The following CARD14 variants were observed in gnomAD, a reference collection of about 807,000 sequenced individuals.
CARD14 encodes the protein caspase recruitment domain-containing protein 14.
Under a neutral mutation model 111.5 loss-of-function variants are expected in CARD14, and 107 were observed. That is an observed-to-expected ratio of 0.96 (90% CI 0.82 to 1.13). CARD14 has a LOEUF of 1.13. Among genes scored for constraint, CARD14 ranks in the 50% most tolerant of loss-of-function variants. The pLI, the probability that CARD14 is intolerant of heterozygous loss-of-function variation, is 0.00. For missense variants in CARD14, 1,322 were observed against 1,362.3 expected (o/e 0.97, Z 0.47); for synonymous variants, 617 against 579.6 (o/e 1.06, Z -0.93).
chr17:80,177,808 G>A (rs1207456763), intron 2 of CARD14, among the ~76,000 whole-genome samples: 1 of 152,050 alleles, frequency 6.6e-6, no homozygotes, highest in African/African-American at 2.4e-5. Flanking sequence ...GCCTTTCAAA[G>A]TGTGGGATTA....
In CARD14 at chr17:80,192,623, C is replaced by A. The variant is rs373428751; in HGVS notation, c.1356+4C>A. 1.2e-6 allele frequency: 2 copies of A among 1,605,246 alleles called. No individual in the cohort carries two copies. Among genetic ancestry groups the A allele is most frequent in the East Asian group, 2.2e-5 (1 of 44,796 alleles). On this transcript the variant is annotated splice_donor_region_variant and intron_variant, in intron 12 of 23. Coordinates refer to ENST00000648509, the MANE Select transcript of CARD14 (RefSeq NM_001366385.1). ...CAGCCTCGTCAGCTCCACAGAGGTA[C>A]GGCCGCTCCTCCCGCCTCCCTCACT...
chr17:80,199,391 G>A (rs1405216485), intron 16 of CARD14, among the ~76,000 whole-genome samples: 1 of 151,362 alleles, frequency 6.6e-6, no homozygotes, highest in East Asian at 1.9e-4. Context: ...ACTTTGATGT[G>A]GCCTAAAAGC....
intron 9 of CARD14, among the ~76,000 whole-genome samples, 182 bp from the exon 10 acceptor site, chr17:80,190,592 A>G (rs545999075): frequency 6.6e-6 from 1 of 150,994 alleles, no homozygotes; most frequent in Admixed American, 6.6e-5. Flanking sequence ...CAGCCTTGGC[A>G]TCGCAGCGAG....
chr17:80,188,689 T>G lies in CARD14; in HGVS notation c.843+145T>G. On this transcript the variant is annotated intron_variant, in intron 8 of 23. Coordinates refer to ENST00000648509, the MANE Select transcript of CARD14 (RefSeq NM_001366385.1). The surrounding 1 kb of genome is among the most constrained non-coding windows in gnomAD (Gnocchi z 4.5). ...AGTGACTCATCTCACCCACTTTCTC[T>G]TTACCTCCTTCCTTCCTGCTGTTCC... 1.3e-6 allele frequency: 1 copy of G among 780,996 alleles called. No homozygotes were observed. Among genetic ancestry groups the G allele is most frequent in the Non-Finnish European group, 1.8e-6 (1 of 561,608 alleles). 48.4% of individuals were successfully genotyped at this position (780,996 alleles called of 1,614,324 possible).
chr17:80,173,516 G>A (rs1280316193), intron 2 of CARD14, among the ~76,000 whole-genome samples: 1 of 151,932 alleles, frequency 6.6e-6, no homozygotes, highest in Non-Finnish European at 1.5e-5. Flanking sequence ...GATGTTGCTG[G>A]CAAAAGTTTT....
At chr17:80,171,958 C>T (rs149651041) in intron 1 of CARD14, among the ~76,000 whole-genome samples, 2 of 152,180 alleles carry the variant, frequency 1.3e-5, no homozygotes, top group African/African-American at 2.4e-5. Context: ...GGAAGGCACC[C>T]GAGAAACCTG....
chr17:80,204,182 T>C, intron 19 of CARD14, 45 bp from the exon 20 acceptor site: 1 of 1,527,122 alleles, frequency 6.5e-7, no homozygotes, highest in Non-Finnish European at 8.9e-7. Flanking sequence ...TTCCTGTTGA[T>C]GGCTTCAACA....
At chr17:80,184,476 C>G (rs544854009) in intron 7 of CARD14, among the ~76,000 whole-genome samples, 2 of 152,154 alleles carry the variant, frequency 1.3e-5, no homozygotes, top group East Asian at 1.9e-4. Context: ...AGTAGCTGCC[C>G]GTGGCCTGGC....
In CARD14 at chr17:80,189,829, C is replaced by T. The variant is rs764211577; in HGVS notation, c.920C>T (p.Ser307Leu). The T allele has an allele frequency of 3.2e-6, 5 of 1,586,444 alleles. No individual in the cohort carries two copies. Among genetic ancestry groups the T allele is most frequent in the East Asian group, 2.3e-5 (1 of 42,672 alleles). ...CAGGAGCTGGTGGAGCGCATCCACTCGCTGCGGGAGCGGGCCGTGGCTGCC... is the reference window on the plus strand; with the variant it reads ...CAGGAGCTGGTGGAGCGCATCCACTTGCTGCGGGAGCGGGCCGTGGCTGCC... ...SRQELVERIH[S>L]LRERAVAAER... The change falls in exon 9 of 24, where the codon TCG (serine) becomes TTG (leucine). Residue 307 changes from serine to leucine, a missense_variant. Transcript: ENST00000648509. This position sits in a 1 kb window ranked among gnomAD's most constrained non-coding sequence, Gnocchi z 4.7.
In CARD14 at chr17:80,203,839, T is replaced by C. The variant is rs773831309; in HGVS notation, c.2237T>C (p.Ile746Thr). The C allele has an allele frequency of 1.3e-6, 2 of 1,587,536 alleles. No individual in the cohort carries two copies. Among genetic ancestry groups the C allele is most frequent in the South Asian group, 1.2e-5 (1 of 86,502 alleles). The change falls in exon 19 of 24, where the codon ATA (isoleucine) becomes ACA (threonine). Residue 746 changes from isoleucine to threonine, a missense_variant. Ile to Thr is a moderately conservative substitution (Grantham distance 89). Transcript: ENST00000648509. This position sits in a 1 kb window ranked among gnomAD's most constrained non-coding sequence, Gnocchi z 4.6. ...PNYSRAQQQLIALIQDMTQQC... is the reference protein window; with the variant it reads ...PNYSRAQQQLTALIQDMTQQC... ...CTCTGCAGGGCTCAGCAGCAGCTCATAGCCCTCATCCAGGACATGACTCAG... is the reference window on the plus strand; with the variant it reads ...CTCTGCAGGGCTCAGCAGCAGCTCACAGCCCTCATCCAGGACATGACTCAG...
At chr17:80,174,740 T>C (rs1447255685) in intron 2 of CARD14, among the ~76,000 whole-genome samples, 2 of 152,112 alleles carry the variant, frequency 1.3e-5, no homozygotes, top group Non-Finnish European at 2.9e-5. Flanking sequence ...CTCTCCTGGC[T>C]CAGTACAGCC....
chr17:80,198,604 A>G lies in CARD14; in HGVS notation c.1851+13A>G. On this transcript the variant is annotated intron_variant, in intron 16 of 23. Transcript: ENST00000648509. The surrounding 1 kb of genome is among the most constrained non-coding windows in gnomAD (Gnocchi z 7.5). ...CCAGATTGTGATGGTGAGCCGTGCG[A>G]GGCCCCTCCTGTCCCCCGGGCTCCT... 1 of 1,611,202 alleles carries G rather than the reference A, an allele frequency of 6.2e-7. No homozygotes were observed. Among genetic ancestry groups the G allele is most frequent in the South Asian group, 1.1e-5 (1 of 90,972 alleles).
At position 80,201,651 on chromosome 17, in the gene CARD14, C is replaced by G; in HGVS notation, c.1852-93C>G. 7.2e-7 allele frequency: 1 copy of G among 1,384,604 alleles called. No individual in the cohort carries two copies. Among genetic ancestry groups the G allele is most frequent in the Non-Finnish European group, 1.0e-6 (1 of 977,708 alleles). The allele number at this position is 1,384,604 out of a possible 1,614,324, so 85.8% of individuals were successfully genotyped here. On this transcript the variant is annotated intron_variant, in intron 16 of 23. Transcript: ENST00000648509. This position sits in a 1 kb window ranked among gnomAD's most constrained non-coding sequence, Gnocchi z 5.0. ...CAGTGGTCCTACGGCAGGGCTGGCC[C>G]GCGCCTCGCCTCAGTGCCCTCAGCG...
chr17:80,198,486 G>T lies in CARD14; in HGVS notation c.1746G>T (p.Gln582His). 1.2e-6 allele frequency: 2 copies of T among 1,613,632 alleles called. No homozygotes were observed. Among genetic ancestry groups the T allele is most frequent in the Non-Finnish European group, 1.7e-6 (2 of 1,179,910 alleles). Residue 582 changes from glutamine to histidine, a missense_variant, in exon 16 of 24, where the codon CAG becomes CAT. Gln to His is a conservative substitution (Grantham distance 24). Coordinates refer to ENST00000648509, the MANE Select transcript of CARD14 (RefSeq NM_001366385.1). The surrounding 1 kb of genome is among the most constrained non-coding windows in gnomAD (Gnocchi z 7.5). ...TCCAGGGGGATGCATTGCTGGAGCA[G>T]ATCAGCGTCATCGGCGGGAACCTCA... ...LAFQGDALLE[Q>H]ISVIGGNLTG...
At position 80,194,674 on chromosome 17, in the gene CARD14, C is replaced by T. The variant is rs145627797; in HGVS notation, c.1357-517C>T. 3.5e-3 allele frequency among the ~76,000 whole-genome samples: 528 copies of T among 152,282 alleles called. 2 individuals carry two copies. Among genetic ancestry groups the T allele is most frequent in the African/African-American group, 0.012 (484 of 41,542 alleles). On this transcript the variant is annotated intron_variant, in intron 12 of 23. Coordinates refer to ENST00000648509, the MANE Select transcript of CARD14 (RefSeq NM_001366385.1). ...ACAATCATGGCAGAAGGCACCTCTTCGCAGAGCGGCAGGAGAGAGAATGAG... is the reference window on the plus strand; with the variant it reads ...ACAATCATGGCAGAAGGCACCTCTTTGCAGAGCGGCAGGAGAGAGAATGAG...
chr17:80,201,471 A>G lies in CARD14; in HGVS notation c.1852-273A>G. 2.2e-6 allele frequency: 1 copy of G among 463,548 alleles called. No homozygotes were observed. The highest frequency in any genetic ancestry group is 3.9e-6 in the Non-Finnish European group (1 of 259,098). The allele number at this position is 463,548 out of a possible 1,614,324, so 28.7% of individuals were successfully genotyped here. A position where few individuals can be genotyped will look rare whatever the true frequency, so the allele number is the denominator to read the frequency against. ...TTTCTTTTCTTTTCTTTTTCAAGAC[A>G]GGAAAGTGCTTATCACAAAGAACCC... On this transcript the variant is annotated intron_variant, in intron 16 of 23. Coordinates refer to ENST00000648509, the MANE Select transcript of CARD14 (RefSeq NM_001366385.1). This position sits in a 1 kb window ranked among gnomAD's most constrained non-coding sequence, Gnocchi z 5.0.
chr17:80,172,679 C>T (rs1052642257), intron 1 of CARD14, among the ~76,000 whole-genome samples: 11 of 152,144 alleles, frequency 7.2e-5, no homozygotes, highest in African/African-American at 2.4e-4. Flanking sequence ...AAGGTGGCAC[C>T]GTTGATCATT....
chr17:80,202,732 C>A, intron 18 of CARD14: 1 of 654,686 alleles, frequency 1.5e-6, no homozygotes, highest in Non-Finnish European at 2.2e-6. Context: ...CTGGGCACTG[C>A]AGGATATAGA....
rs890204394 is a variant in CARD14, at chr17:80,204,693, G to A, written c.2399-342G>A. ...AGGGCTAGGACCCTGTGCCCTGGAGGATGGCTGAGGAGAAGGGTGCCACTC... is the reference window on the plus strand; with the variant it reads ...AGGGCTAGGACCCTGTGCCCTGGAGAATGGCTGAGGAGAAGGGTGCCACTC... On this transcript the variant is annotated intron_variant, in intron 20 of 23. Coordinates refer to ENST00000648509, the MANE Select transcript of CARD14 (RefSeq NM_001366385.1). 4.7e-5 allele frequency: 18 copies of A among 385,786 alleles called. No individual in the cohort carries two copies. In the South Asian group the frequency reaches 1.1e-3, roughly 25 times the overall value. The allele number at this position is 385,786 out of a possible 1,614,324, so 23.9% of individuals were successfully genotyped here.
Sources: gnomAD v4.1 joint callset for allele counts (sites outside exome capture counted in the v4.1 genomes callset) on GRCh38, gnomAD v4.1.1 for gene constraint, Gnocchi (gnomAD v3.1) non-coding constraint, MANE v1.5 for transcripts, NCBI Gene and HGNC (gene_info 2026-07-23, HGNC 2026-07-21) for gene names.